GGA2: variants seen among roughly 807,000 people sequenced by gnomAD.
GGA2 encodes the protein golgi associated, gamma adaptin ear containing, ARF binding protein 2, also known as ADP-ribosylation factor-binding protein GGA2.
GGA2 carries 48 observed loss-of-function variants against 79.5 expected under a neutral mutation model. That is an observed-to-expected ratio of 0.60 (90% CI 0.48 to 0.77). GGA2 has a LOEUF of 0.77. Ranked by LOEUF, GGA2 falls within the 30% of genes least tolerant of loss-of-function variation. The probability of loss-of-function intolerance (pLI) is 0.00; values close to 1 mark genes in which losing one functional copy is unlikely to be tolerated. For synonymous variants in GGA2, 317 were observed against 302.0 expected (o/e 1.05, Z -0.51); for missense variants, 770 against 774.0 (o/e 0.99, Z 0.06).
At chr16:23,488,100 C>T (rs1001086001) in intron 6 of GGA2, among the ~76,000 whole-genome samples, 2 of 151,986 alleles carry the variant, frequency 1.3e-5, no homozygotes, top group Non-Finnish European at 2.9e-5. Flanking sequence ...TGGATAGGGC[C>T]GGGCTCACTG....
At chr16:23,473,547 C>T (rs1175451781) in intron 14 of GGA2, among the ~76,000 whole-genome samples, 2 of 151,786 alleles carry the variant, frequency 1.3e-5, no homozygotes, top group Non-Finnish European at 2.9e-5. Context: ...AGGCTGGTCT[C>T]GAACTCCTGA....
At chr16:23,517,065 A>G (rs570771570) in intron 2 of GGA2, among the ~76,000 whole-genome samples, 22 of 152,264 alleles carry the variant, frequency 1.4e-4, no homozygotes, top group Admixed American at 2.6e-4. Flanking sequence ...AAGTACGATA[A>G]TAAATCTTAT....
upstream of GGA2, among the ~76,000 whole-genome samples, chr16:23,512,457 G>A (rs1375180840): frequency 1.3e-5 from 2 of 152,142 alleles, no homozygotes; most frequent in African/African-American, 4.8e-5. Context: ...TAGACCATAG[G>A]TACGTATGCC....
At chr16:23,487,477 G>A (rs1017727574) in intron 6 of GGA2, among the ~76,000 whole-genome samples, 1 of 152,262 alleles carries the variant, frequency 6.6e-6, no homozygotes, top group East Asian at 1.9e-4. Flanking sequence ...TGGCCCAAAA[G>A]GGGACTAGGT....
At chr16:23,489,977 T>C (rs188070644) in intron 5 of GGA2, among the ~76,000 whole-genome samples, 1 of 152,302 alleles carries the variant, frequency 6.6e-6, no homozygotes, top group Non-Finnish European at 1.5e-5. Flanking sequence ...AAACAGATCC[T>C]ACCAAGACCC....
intron 2 of GGA2, 133 bp from the exon 3 acceptor site, chr16:23,494,511 A>T: frequency 2.8e-6 from 2 of 707,358 alleles, no homozygotes; most frequent in Non-Finnish European, 5.1e-6. Flanking sequence ...GTGCCTGACA[A>T]ACAGGCCACG....
intron 2 of GGA2, among the ~76,000 whole-genome samples, chr16:23,517,513 G>A (rs1965109173): frequency 6.8e-6 from 1 of 146,494 alleles, no homozygotes. Context: ...ACAGGCGTGA[G>A]CCACCGCGCC....
At chr16:23,473,039 A>AC (rs994508187) in intron 14 of GGA2, among the ~76,000 whole-genome samples, 1 of 151,440 alleles carries the variant, frequency 6.6e-6, no homozygotes, top group African/African-American at 2.4e-5. Flanking sequence ...TCCAAAAAAA[A>AC]AAAAAAAAAG....
Position 23,464,569 on chromosome 16 carries a change from C to G in GGA2, c.*3021G>C, listed in dbSNP as rs1964410913. The G allele has an allele frequency of 6.6e-6, 1 of 151,860 alleles. No homozygotes were observed. The highest frequency in any genetic ancestry group is 1.5e-5 in the Non-Finnish European group (1 of 67,970). 9.4% of individuals were successfully genotyped at this position (151,860 alleles called of 1,614,324 possible). Reference sequence around the variant, plus strand: ...GGCATTGTCCCAAAAAAAAAAAAGCCCAAATCAGAGCAGTGGCAATGTAAG... The same window carrying G: ...GGCATTGTCCCAAAAAAAAAAAAGCGCAAATCAGAGCAGTGGCAATGTAAG... On this transcript the variant is annotated 3_prime_UTR_variant, in exon 17 of 17. Coordinates refer to ENST00000309859, the MANE Select transcript of GGA2 (RefSeq NM_015044.4).
At chr16:23,510,906 C>CGTGTGTGTGT (rs150030103), upstream of GGA2, among the ~76,000 whole-genome samples, 3 of 49,014 alleles carry the variant, frequency 6.1e-5, no homozygotes, top group African/African-American at 1.3e-4. Context: ...TGGGTTTCAC[C>CGTGTGTGTGT]GTGTGTGTGT....
chr16:23,470,441 T>G (rs964553139), intron 14 of GGA2, among the ~76,000 whole-genome samples: 15 of 152,096 alleles, frequency 9.9e-5, no homozygotes, highest in Non-Finnish European at 1.2e-4. Context: ...CGATCATTAT[T>G]AAAATAATGC....
In GGA2 at chr16:23,507,654, GC is replaced by G. The variant is rs533934636; in HGVS notation, c.91+2666del. 1.6e-3 allele frequency among the ~76,000 whole-genome samples: 241 copies of G among 151,576 alleles called. 1 individual carries two copies. Among genetic ancestry groups the G allele is most frequent in the African/African-American group, 5.5e-3 (226 of 41,220 alleles). ...CTCTCTCTCTCACACACACAAATTA[GC>G]CGGTTGTGGTGGCGTGTGCCCGTAA... On this transcript the variant is annotated intron_variant, in intron 1 of 16. Transcript: ENST00000309859.
chr16:23,494,477 G>T, intron 2 of GGA2, 99 bp from the exon 3 acceptor site: 1 of 845,224 alleles, frequency 1.2e-6, no homozygotes, highest in Non-Finnish European at 2.0e-6. Context: ...TCCAGGGGCT[G>T]GTGTCCAAAA....
chr16:23,500,197 G>A (rs1964905314), intron 1 of GGA2, among the ~76,000 whole-genome samples: 2 of 152,238 alleles, frequency 1.3e-5, no homozygotes, highest in African/African-American at 4.8e-5. Context: ...CTGCTAGTGG[G>A]GAGCAGCCCC....
chr16:23,486,733 A>T lies in GGA2; in HGVS notation c.637T>A (p.Leu213Ile). 1 of 1,609,786 alleles carries T rather than the reference A, an allele frequency of 6.2e-7. No individual in the cohort carries two copies. The highest frequency in any genetic ancestry group is 8.5e-7 in the Non-Finnish European group (1 of 1,176,062). ...HPEDLQAANR[L>I]IKNLVKEEQE... is the part of the protein sequence containing the mutation. ...ACCTCCTTGACCAAATTCTTGATTAACCGGTTTGCAGCCTGAAGGTCCTCG... is the reference window on the plus strand; with the variant it reads ...ACCTCCTTGACCAAATTCTTGATTATCCGGTTTGCAGCCTGAAGGTCCTCG... The change falls in exon 7 of 17, where the codon TTA becomes ATA. Residue 213 changes from leucine to isoleucine, a missense_variant. By Grantham distance (5) the Leu-to-Ile change is conservative (BLOSUM62 2). Transcript: ENST00000309859.
intron 2 of GGA2, among the ~76,000 whole-genome samples, chr16:23,519,041 C>CTTT (rs368986914): frequency 9.6e-6 from 1 of 104,576 alleles, no homozygotes. Context: ...CGGATACTGT[C>CTTT]TTTTTTTTTT....
intron 9 of GGA2, among the ~76,000 whole-genome samples, chr16:23,482,425 CCT>C (rs1377833422): frequency 1.3e-5 from 2 of 152,082 alleles, no homozygotes; most frequent in East Asian, 3.9e-4. Context: ...TTACTATTCC[CCT>C]CTCTCATGTT....
chr16:23,467,878 C>T (rs545045672), intron 16 of GGA2, among the ~76,000 whole-genome samples, 178 bp from the exon 17 acceptor site: 2 of 152,286 alleles, frequency 1.3e-5, no homozygotes, highest in South Asian at 4.1e-4. Flanking sequence ...GATAATTCTG[C>T]AGTCCTGAAA....
At chr16:23,476,683 C>A (rs1327437428) in intron 13 of GGA2, among the ~76,000 whole-genome samples, 1 of 152,106 alleles carries the variant, frequency 6.6e-6, no homozygotes, top group African/African-American at 2.4e-5. Context: ...CAGGAATGTA[C>A]CACTACATGT....
Sources: gnomAD v4.1 joint callset for allele counts (sites outside exome capture counted in the v4.1 genomes callset) on GRCh38, gnomAD v4.1.1 for gene constraint, MANE v1.5 for transcripts, NCBI Gene and HGNC (gene_info 2026-07-23, HGNC 2026-07-21) for gene names.